Variants in AKAP9 observed in about 807,000 individuals in gnomAD.
AKAP9 encodes the protein A-kinase anchoring protein 9.
A neutral mutation model predicts 488.5 loss-of-function variants in AKAP9; 311 were observed. The observed-to-expected ratio is 0.64, with a 90% CI of 0.58 to 0.70. The LOEUF (loss-of-function observed/expected upper bound fraction) is 0.70, where lower values mean the gene tolerates loss of function less well. AKAP9 is among the 30% of genes least tolerant of loss of function. The probability of loss-of-function intolerance (pLI) is 0.00; values close to 1 mark genes in which losing one functional copy is unlikely to be tolerated. For missense variants in AKAP9, 4,215 were observed against 4,374.5 expected, an observed-to-expected ratio of 0.96 and a Z score of 1.03; for synonymous variants, 1,462 against 1,483.5, an observed-to-expected ratio of 0.99 and a Z score of 0.33.
At chr7:91,971,763 G>T (rs1381122717) in intron 1 of AKAP9, among the ~76,000 whole-genome samples, 1 of 151,038 alleles carries the variant, frequency 6.6e-6, no homozygotes. Context: ...TAGAGACAGG[G>T]TTTCACTGTG....
chr7:92,058,722 T>A (rs1334108833), intron 22 of AKAP9, among the ~76,000 whole-genome samples: 1 of 152,036 alleles, frequency 6.6e-6, no homozygotes, highest in Non-Finnish European at 1.5e-5. Flanking sequence ...GAATAATTAT[T>A]ATATTTGAGA....
intron 1 of AKAP9, among the ~76,000 whole-genome samples, chr7:91,959,521 G>A (rs1793474289): frequency 1.3e-5 from 2 of 151,974 alleles, no homozygotes; most frequent in East Asian, 1.9e-4. Context: ...GTTCTGGCTG[G>A]CCTCAAACTC....
chr7:92,085,350 C>T, intron 35 of AKAP9, 145 bp from the exon 36 acceptor site: 1 of 784,732 alleles, frequency 1.3e-6, no homozygotes, highest in Non-Finnish European at 2.1e-6. Flanking sequence ...CTTACCCCTC[C>T]ACAGGAAGAA....
At chr7:92,022,121 G>A in intron 12 of AKAP9, 117 bp from the exon 13 acceptor site, 1 of 766,522 alleles carries the variant, frequency 1.3e-6, no homozygotes, top group South Asian at 1.4e-5. Flanking sequence ...GTATTAGAGT[G>A]CCACAATTTT....
At chr7:92,104,471 G>A (rs1305207679) in intron 46 of AKAP9, among the ~76,000 whole-genome samples, 1 of 152,082 alleles carries the variant, frequency 6.6e-6, no homozygotes. Flanking sequence ...GATTACAGGC[G>A]TGAGCCACTG....
In AKAP9 at chr7:92,000,942, A is replaced by G. The variant is rs1393005028; in HGVS notation, c.1025A>G (p.Glu342Gly). ...EELNTKIIEE[E>G]KKTLELKDKL... ...TTAAACACAAAAATAATAGAAGAAGAAAAGAAAACTCTTGAGCTAAAGGAT... is the reference window on the plus strand; with the variant it reads ...TTAAACACAAAAATAATAGAAGAAGGAAAGAAAACTCTTGAGCTAAAGGAT... Residue 342 changes from glutamate (E) to glycine (G), a missense_variant, in exon 8 of 50, where the codon GAA (glutamate) becomes GGA (glycine). Physicochemically the swap from Glu to Gly is moderately conservative, Grantham distance 98. Around this residue, in one of 5 missense-constraint regions of AKAP9, gnomAD observed 2,361 missense variants for 2,430.0 expected, o/e 0.97. Transcript: ENST00000356239. 4.0e-6 allele frequency: 6 copies of G among 1,497,460 alleles called. No individual in the cohort carries two copies. 92.8% of individuals were successfully genotyped at this position (1,497,460 alleles called of 1,614,324 possible). A position where few individuals can be genotyped will look rare whatever the true frequency, so the allele number is the denominator to read the frequency against.
intron 2 of AKAP9, among the ~76,000 whole-genome samples, chr7:91,979,130 G>A (rs774383432): frequency 6.6e-6 from 1 of 151,784 alleles, no homozygotes; most frequent in Non-Finnish European, 1.5e-5. Flanking sequence ...AAAGAGGTAC[G>A]GTAGTTCCTC....
intron 23 of AKAP9, 133 bp from the exon 24 acceptor site, chr7:92,062,141 C>A: frequency 1.3e-6 from 1 of 762,828 alleles, no homozygotes; most frequent in Non-Finnish European, 2.2e-6. Context: ...GCAGCAAATT[C>A]ATTCAAGACT....
chr7:92,091,498 A>G (rs1458427768), intron 38 of AKAP9, among the ~76,000 whole-genome samples: 2 of 150,590 alleles, frequency 1.3e-5, no homozygotes, highest in East Asian at 2.0e-4. Context: ...AGGCAGGAGA[A>G]TCGTCTGAAC....
chr7:92,067,652 A>G (rs543323943), intron 26 of AKAP9, among the ~76,000 whole-genome samples: 2 of 152,302 alleles, frequency 1.3e-5, no homozygotes, highest in Admixed American at 1.3e-4. Context: ...AACATAGTCA[A>G]AACTCCACAT....
chr7:92,052,301 T>A (rs900191579), intron 21 of AKAP9, among the ~76,000 whole-genome samples: 1 of 152,186 alleles, frequency 6.6e-6, no homozygotes, highest in Admixed American at 6.6e-5. Context: ...AATGGCCTAC[T>A]CCACAATGCC....
intron 16 of AKAP9, among the ~76,000 whole-genome samples, chr7:92,034,235 G>T (rs558766297): frequency 6.6e-6 from 1 of 152,060 alleles, no homozygotes; most frequent in South Asian, 2.1e-4. Flanking sequence ...TTTAAGACAC[G>T]GTCAGGAGAC....
chr7:91,959,813 T>C (rs924620114), intron 1 of AKAP9, among the ~76,000 whole-genome samples: 2 of 152,210 alleles, frequency 1.3e-5, no homozygotes, highest in Non-Finnish European at 2.9e-5. Context: ...GTCTTTTCCA[T>C]TCCTGATTCC....
chr7:91,978,932 A>ATTTT (rs34097770), intron 2 of AKAP9, among the ~76,000 whole-genome samples: 8 of 90,344 alleles, frequency 8.9e-5, no homozygotes, highest in African/African-American at 1.3e-4. Flanking sequence ...TAGTTTTTGT[A>ATTTT]TTTTTTTTTT....
chr7:91,999,067 A>G (rs1310461930), intron 7 of AKAP9, among the ~76,000 whole-genome samples: 8 of 152,170 alleles, frequency 5.3e-5, no homozygotes, highest in Admixed American at 5.2e-4. Flanking sequence ...ATTTTGCCCA[A>G]GAGGCTGCAT....
chr7:91,992,466 C>A (rs1426876436), intron 4 of AKAP9, among the ~76,000 whole-genome samples: 2 of 151,952 alleles, frequency 1.3e-5, no homozygotes, highest in East Asian at 3.9e-4. Flanking sequence ...GAGTTCGAGA[C>A]CAGCCTGACC....
In AKAP9 at chr7:92,093,237, G is replaced by C; in HGVS notation, c.9499G>C (p.Glu3167Gln). ...EKMVVAELKS[E>Q]LAQTKLELET... ...AATGGTGGTTGCTGAACTGAAGAGT[G>C]AGCTTGCACAAACTAAATTGGAACT... The change falls in exon 39 of 50, where the codon GAG becomes CAG. Residue 3167 changes from glutamate (E) to glutamine (Q), a missense_variant. Glu to Gln is a conservative substitution (Grantham distance 29, BLOSUM62 2). Around this residue, in one of 5 missense-constraint regions of AKAP9, gnomAD observed 1,476 missense variants for 1,477.4 expected, o/e 1.00. Coordinates refer to ENST00000356239, the MANE Select transcript of AKAP9 (RefSeq NM_005751.5). The C allele has an allele frequency of 1.9e-6, 3 of 1,614,112 alleles. No individual in the cohort carries two copies. The highest frequency in any genetic ancestry group is 2.5e-6 in the Non-Finnish European group (3 of 1,180,024).
chr7:91,960,771 G>A (rs1377239610), intron 1 of AKAP9, among the ~76,000 whole-genome samples: 1 of 152,172 alleles, frequency 6.6e-6, no homozygotes, highest in Non-Finnish European at 1.5e-5. Flanking sequence ...ATGATGGGCA[G>A]TCAATAAATA....
intron 24 of AKAP9, among the ~76,000 whole-genome samples, chr7:92,064,817 T>C (rs1387249283): frequency 6.6e-6 from 1 of 152,172 alleles, no homozygotes; most frequent in Non-Finnish European, 1.5e-5. Context: ...TGTATGCAAA[T>C]AAAATTGACT....
Sources: allele counts gnomAD v4.1 joint callset (sites outside exome capture counted in the v4.1 genomes callset), GRCh38; gene constraint gnomAD v4.1.1; regional missense constraint gnomAD v4.1.1; transcripts MANE v1.5; gene names NCBI Gene and HGNC (gene_info 2026-07-23, HGNC 2026-07-21).